The following ESRRG variants were observed in gnomAD, a reference collection of about 807,000 sequenced individuals.
ESRRG encodes estrogen-related receptor gamma.
In ESRRG, 13 loss-of-function variants were observed where a neutral mutation model predicts 44.0. That is an observed-to-expected ratio of 0.30 (90% CI 0.19 to 0.47). The LOEUF is 0.47. Ranked by LOEUF, ESRRG falls within the 20% of genes least tolerant of loss-of-function variation. The pLI is 1.00. For missense variants in ESRRG, 395 were observed against 580.6 expected (o/e 0.68, Z 3.29); for synonymous variants, 215 against 214.6 (o/e 1.00, Z -0.02).
At chr1:216,663,264 A>C (rs1302499357) in intron 2 of ESRRG, among the ~76,000 whole-genome samples, 1 of 152,172 alleles carries the variant, frequency 6.6e-6, no homozygotes, top group African/African-American at 2.4e-5. Flanking sequence ...CAGGGGAAAA[A>C]AAGTACACTT....
At chr1:216,682,709 AGTGTGTGTGTGT>A (rs72420221) in intron 1 of ESRRG, among the ~76,000 whole-genome samples, 2 of 144,760 alleles carry the variant, frequency 1.4e-5, no homozygotes, top group South Asian at 2.2e-4. Flanking sequence ...AATACTCTAT[AGTGTGTGTGTGT>A]GTGTGTGTGT....
chr1:217,030,329 C>T (rs549914206), intron 1 of ESRRG, among the ~76,000 whole-genome samples: 61 of 152,112 alleles, frequency 4.0e-4, no homozygotes, highest in Non-Finnish European at 4.9e-4. Flanking sequence ...CACTGAGCCA[C>T]GCATGGGATA....
chr1:216,859,589 T>G (rs2149081412), intron 2 of ESRRG, among the ~76,000 whole-genome samples: 2 of 152,292 alleles, frequency 1.3e-5, no homozygotes, highest in Middle Eastern at 3.4e-3. Context: ...TACATAAGAC[T>G]AGGAATAATG....
chr1:216,651,747 G>T (rs2069029638), intron 2 of ESRRG, among the ~76,000 whole-genome samples: 1 of 152,052 alleles, frequency 6.6e-6, no homozygotes, highest in African/African-American at 2.4e-5. Context: ...TACATAATTT[G>T]CATAATTAAT....
At chr1:217,028,957 T>C (rs994634089) in intron 1 of ESRRG, among the ~76,000 whole-genome samples, 2 of 152,222 alleles carry the variant, frequency 1.3e-5, no homozygotes, top group Non-Finnish European at 1.5e-5. Context: ...GCCATCTCTA[T>C]GCTACAACAC....
intron 2 of ESRRG, among the ~76,000 whole-genome samples, chr1:216,831,265 A>T (rs2095483157): frequency 6.6e-6 from 1 of 152,148 alleles, no homozygotes; most frequent in Admixed American, 6.5e-5. Context: ...CTGTTAATTA[A>T]AATAAAATGA....
At chr1:216,951,963 AAC>A (rs1172673107) in intron 1 of ESRRG, among the ~76,000 whole-genome samples, 1 of 152,040 alleles carries the variant, frequency 6.6e-6, no homozygotes, top group Non-Finnish European at 1.5e-5. Flanking sequence ...TTAACAAAGA[AAC>A]ACACATCCTG....
At chr1:216,968,610 C>T (rs2070940234) in intron 1 of ESRRG, among the ~76,000 whole-genome samples, 1 of 151,836 alleles carries the variant, frequency 6.6e-6, no homozygotes, top group African/African-American at 2.4e-5. Context: ...ATTATTTTGC[C>T]AATACCACAC....
intron 1 of ESRRG, among the ~76,000 whole-genome samples, chr1:217,125,104 C>T (rs2102513640): frequency 6.6e-6 from 1 of 152,270 alleles, no homozygotes; most frequent in East Asian, 1.9e-4. Context: ...CTGCCCATTC[C>T]CTATCCTAGA....
rs149996581 is a variant in ESRRG, at chr1:216,753,859, C to T, written c.-13-76368G>A. On this transcript the variant is annotated intron_variant, in intron 2 of 7. Coordinates refer to the ESRRG transcript ENST00000359162. ...GGAGGTGGGGAGTCGTAAGAAGGAC[C>T]GGGTGTGCATGCATTGTCTACATTT... 1.4e-3 allele frequency among the ~76,000 whole-genome samples: 206 copies of T among 151,896 alleles called. 1 individual carries two copies. Among genetic ancestry groups the T allele is most frequent in the African/African-American group, 4.4e-3 (181 of 41,450 alleles).
chr1:216,538,495 A>G (rs897095151), intron 5 of ESRRG, among the ~76,000 whole-genome samples: 2 of 152,038 alleles, frequency 1.3e-5, no homozygotes, highest in African/African-American at 4.8e-5. Context: ...GGAAATCAGA[A>G]CGTGGTGAAA....
intron 2 of ESRRG, among the ~76,000 whole-genome samples, chr1:216,810,359 C>T (rs1269978682): frequency 1.3e-5 from 2 of 152,128 alleles, no homozygotes; most frequent in Non-Finnish European, 2.9e-5. Flanking sequence ...CATGATTTCA[C>T]AGTGGCATAT....
intron 1 of ESRRG, among the ~76,000 whole-genome samples, chr1:216,940,685 T>C (rs181081400): frequency 2.1e-4 from 32 of 152,294 alleles, no homozygotes; most frequent in Non-Finnish European, 3.5e-4. Flanking sequence ...GAGATGCCTG[T>C]ATTGCATTAG....
chr1:216,664,554 A>G (rs2073380246), intron 2 of ESRRG, among the ~76,000 whole-genome samples: 1 of 151,066 alleles, frequency 6.6e-6, no homozygotes, highest in Non-Finnish European at 1.5e-5. Context: ...TTATCCATAT[A>G]TATAAAATTA....
chr1:216,561,642 A>C (rs2058759826), intron 5 of ESRRG, among the ~76,000 whole-genome samples: 1 of 152,124 alleles, frequency 6.6e-6, no homozygotes. Context: ...AAGGCAGCAC[A>C]CTTTGATATC....
chr1:217,039,548 C>A (rs919108750), intron 1 of ESRRG, among the ~76,000 whole-genome samples: 1 of 152,170 alleles, frequency 6.6e-6, no homozygotes, highest in Non-Finnish European at 1.5e-5. Context: ...GTGAGACCCA[C>A]TCACTATCAC....
At chr1:216,539,780 G>C (rs1200463445) in intron 5 of ESRRG, among the ~76,000 whole-genome samples, 1 of 151,880 alleles carries the variant, frequency 6.6e-6, no homozygotes, top group African/African-American at 2.4e-5. Context: ...GAATTTAGTA[G>C]TTTTATAATG....
intron 2 of ESRRG, among the ~76,000 whole-genome samples, chr1:216,860,029 C>T (rs2096021186): frequency 6.6e-6 from 1 of 152,076 alleles, no homozygotes; most frequent in South Asian, 2.1e-4. Context: ...TTTGGCAGGC[C>T]AAGGTGGACA....
intron 1 of ESRRG, among the ~76,000 whole-genome samples, chr1:217,075,975 A>G (rs1295214911): frequency 1.3e-5 from 2 of 152,204 alleles, no homozygotes; most frequent in African/African-American, 4.8e-5. Flanking sequence ...CTGAAATTCT[A>G]TCATTCAGTA....
Sources: allele counts gnomAD v4.1 joint callset (sites outside exome capture counted in the v4.1 genomes callset), GRCh38; gene constraint gnomAD v4.1.1; transcripts MANE v1.5; gene names NCBI Gene and HGNC (gene_info 2026-07-23, HGNC 2026-07-21).